FPGS: variants seen among roughly 807,000 people sequenced by gnomAD.
The protein encoded by FPGS is folylpolyglutamate synthase, mitochondrial.
In FPGS, 53 loss-of-function variants were observed where a neutral mutation model predicts 66.5. That is an observed-to-expected ratio of 0.80 (90% CI 0.64 to 1.00). The LOEUF (loss-of-function observed/expected upper bound fraction) is 1.00. FPGS is among the 50% of genes least tolerant of loss of function. FPGS has a pLI of 0.00. For synonymous variants in FPGS, 348 were observed against 350.9 expected, an observed-to-expected ratio of 0.99 and a Z score of 0.09; for missense variants, 702 against 807.7, an observed-to-expected ratio of 0.87 and a Z score of 1.59.
rs912069253 is a variant in FPGS at position 127,804,359 on chromosome 9, C to A, written c.213C>A (p.Asp71Glu). ...AGCAGGTGAAGCGCCAGCGGGGTGA[C>A]CCTCAGACACAGTTGGAAGCCATGG... The part of the protein sequence containing the change: ...YLEQVKRQRG[D>E]PQTQLEAMEL... The change falls in exon 2 of 15, where the codon GAC becomes GAA. Residue 71 changes from aspartate (D) to glutamate (E), a missense_variant. By Grantham distance (45) the Asp-to-Glu change is conservative. Transcript: ENST00000373247. 7 of 1,614,066 alleles carry A rather than the reference C, an allele frequency of 4.3e-6. No homozygotes were observed. The highest frequency in any genetic ancestry group is 5.9e-6 in the Non-Finnish European group (7 of 1,180,034).
At position 127,813,283 on chromosome 9, in the gene FPGS, G is replaced by C. The variant is rs774774318; in HGVS notation, c.1443G>C (p.Gln481His). The C allele has an allele frequency of 3.1e-6, 5 of 1,613,094 alleles. No individual in the cohort carries two copies. In the East Asian group the frequency reaches 8.9e-5, roughly 29 times the overall value. Residue 481 changes from glutamine (Q) to histidine (H), a missense_variant, in exon 15 of 15, where the codon CAG becomes CAC. By Grantham distance (24) the Gln-to-His change is conservative. Around this residue, in one of 3 missense-constraint regions of FPGS, gnomAD observed 351 missense variants for 363.7 expected, o/e 0.97. Transcript: ENST00000373247. ...QQHWNHLDEE[Q>H]ASPDLWSAPS... ...ACTGGAACCACCTGGACGAAGAGCA[G>C]GCCAGCCCGGACCTCTGGAGTGCCC...
intron 14 of FPGS, among the ~76,000 whole-genome samples, chr9:127,812,757 C>T (rs184286869): frequency 6.6e-6 from 1 of 152,218 alleles, no homozygotes; most frequent in Admixed American, 6.5e-5. Flanking sequence ...GAACTCTTGA[C>T]CTCAGGTGAT....
At chr9:127,803,447 G>A in intron 1 of FPGS, 2 of 999,290 alleles carry the variant, frequency 2.0e-6, no homozygotes, top group Non-Finnish European at 2.4e-6. Context: ...AGATCCAGGA[G>A]TATTGATCTG....
Position 127,802,955 on chromosome 9 carries a change from G to A in FPGS, c.31G>A (p.Ala11Thr), listed in dbSNP as rs1270894238. The A allele has an allele frequency of 2.8e-6, 4 of 1,434,678 alleles. No individual in the cohort carries two copies. The highest frequency in any genetic ancestry group is 2.9e-5 in the Admixed American group (1 of 34,946). The allele number at this position is 1,434,678 out of a possible 1,614,324, so 88.9% of individuals were successfully genotyped here. A position where few individuals can be genotyped will look rare whatever the true frequency, so the allele number is the denominator to read the frequency against. The change falls in exon 1 of 15, where the codon GCT (alanine) becomes ACT (threonine). Residue 11 changes from alanine to threonine, a missense_variant. Transcript: ENST00000373247. MSRARSHLRA[A>T]LFLAAASARG... ...GCGGGCGCGGAGCCACCTGCGCGCC[G>A]CTCTATTCCTGGCAGCGGCGTCTGC...
intron 4 of FPGS, 121 bp from the exon 5 acceptor site, chr9:127,806,852 G>C (rs577589419): frequency 2.3e-5 from 17 of 731,706 alleles, no homozygotes; most frequent in Non-Finnish European, 4.1e-5. Context: ...GGGGCACCAG[G>C]AACAAACCGA....
At chr9:127,812,960 T>G (rs889270594) in intron 14 of FPGS, among the ~76,000 whole-genome samples, 2 of 152,290 alleles carry the variant, frequency 1.3e-5, no homozygotes, top group Non-Finnish European at 2.9e-5. Context: ...GGGCAAAAGC[T>G]TTGGAGTCAG....
Position 127,813,877 on chromosome 9 carries a change from C to T in FPGS, c.*273C>T. ...GTTCAGCCTGTCTCCCCCAACACCC[C>T]GCCTGCCTCCTGGCTCAGGCCCAGC... On this transcript the variant is annotated 3_prime_UTR_variant, in exon 15 of 15. Transcript: ENST00000373247. 2.5e-6 allele frequency: 3 copies of T among 1,206,458 alleles called. No individual in the cohort carries two copies. Among genetic ancestry groups the T allele is most frequent in the South Asian group, 3.8e-5 (1 of 26,138 alleles). 74.7% of individuals were successfully genotyped at this position (1,206,458 alleles called of 1,614,324 possible). A position where few individuals can be genotyped will look rare whatever the true frequency, so the allele number is the denominator to read the frequency against.
Position 127,813,831 on chromosome 9 carries a change from C to T in FPGS, c.*227C>T, listed in dbSNP as rs1432099409. Reference sequence around the variant, plus strand: ...TAGCAGAGGGGCTCCCCGGGTCTCTCACTGTTGCAGTGGCCTGGCCGTTCA... The same window carrying T: ...TAGCAGAGGGGCTCCCCGGGTCTCTTACTGTTGCAGTGGCCTGGCCGTTCA... On this transcript the variant is annotated 3_prime_UTR_variant, in exon 15 of 15. Transcript: ENST00000373247. The T allele has an allele frequency of 1.6e-6, 2 of 1,259,982 alleles. No homozygotes were observed. Among genetic ancestry groups the T allele is most frequent in the African/African-American group, 3.1e-5 (2 of 64,636 alleles). 78.1% of individuals were successfully genotyped at this position (1,259,982 alleles called of 1,614,324 possible).
Position 127,809,815 on chromosome 9 carries a change from G to A in FPGS, c.1192G>A (p.Gly398Ser). The A allele has an allele frequency of 2.0e-6, 3 of 1,463,452 alleles. No individual in the cohort carries two copies. The highest frequency in any genetic ancestry group is 1.5e-5 in the African/African-American group (1 of 68,422). The allele number at this position is 1,463,452 out of a possible 1,614,324, so 90.7% of individuals were successfully genotyped here. The stretch of plus-strand genomic sequence containing the variant: ...GCGCTGGTTCCGCCAGGCGCTGCAG[G>A]GCCGCGAGAGGCCGAGCGGGTGAGG... ...CVRWFRQALQ[G>S]RERPSGGPEV... Residue 398 changes from glycine to serine, a missense_variant, in exon 12 of 15, where the codon GGC becomes AGC. Transcript: ENST00000373247.
In FPGS at chr9:127,806,977, C is replaced by T. The variant is rs138512683; in HGVS notation, c.391C>T (p.Pro131Ser). The part of the protein sequence containing the change: ...YGLKTGFFSS[P>S]HLVQVRERIR... ...TGACCCCAGCTGTCCCGGCAGCTCT[C>T]CCCACCTGGTGCAGGTTCGGGAGCG... The change falls in exon 5 of 15, where the codon CCC (proline) becomes TCC (serine). Residue 131 changes from proline to serine, a missense_variant. Coordinates refer to ENST00000373247, the MANE Select transcript of FPGS (RefSeq NM_004957.6). 62 of 1,613,450 alleles carry T rather than the reference C, an allele frequency of 3.8e-5. No individual in the cohort carries two copies. The highest frequency in any genetic ancestry group is 4.7e-5 in the Non-Finnish European group (56 of 1,179,668).
At chr9:127,803,727 C>T (rs1324730548) in intron 1 of FPGS, among the ~76,000 whole-genome samples, 1 of 152,080 alleles carries the variant, frequency 6.6e-6, no homozygotes, top group Non-Finnish European at 1.5e-5. Context: ...AAATAGCACC[C>T]CCACTCCCAC....
chr9:127,809,903 G>A (rs1459784702), intron 12 of FPGS, 69 bp downstream of exon 12: 19 of 1,010,718 alleles, frequency 1.9e-5, no homozygotes, highest in African/African-American at 1.2e-4. Context: ...GGGGAAGGGC[G>A]GGGCGGGGTC....
intron 13 of FPGS, among the ~76,000 whole-genome samples, chr9:127,810,648 C>A (rs1313127577): frequency 6.6e-6 from 1 of 152,112 alleles, no homozygotes; most frequent in Non-Finnish European, 1.5e-5. Context: ...CTTTTTCCAG[C>A]CTGGATTTGG....
intron 1 of FPGS, 122 bp downstream of exon 1, chr9:127,803,184 CG>C (rs1200647985): frequency 3.2e-6 from 3 of 944,614 alleles, no homozygotes; most frequent in Middle Eastern, 5.2e-4. Context: ...CTGGGGGACT[CG>C]GGGGGCGGAA....
Position 127,804,235 on chromosome 9 carries a change from G to A in FPGS, c.139-50G>A, listed in dbSNP as rs1364631029. On this transcript the variant is annotated intron_variant, in intron 1 of 14. Transcript: ENST00000373247. ...TGGTCTGCTGGCTGTCTCTGTGCCT[G>A]TGGACCCTGAGTGAGCCTTAACCTA... 5 of 1,595,280 alleles carry A rather than the reference G, an allele frequency of 3.1e-6. No individual in the cohort carries two copies. In the South Asian group the frequency reaches 4.6e-5, roughly 15 times the overall value.
Position 127,810,987 on chromosome 9 carries a change from G to A in FPGS, c.1330G>A (p.Glu444Lys). 6.3e-7 allele frequency: 1 copy of A among 1,592,116 alleles called. No homozygotes were observed. Among genetic ancestry groups the A allele is most frequent in the South Asian group, 1.1e-5 (1 of 87,314 alleles). ...DYAVFCPNLT[E>K]VSSTGNADQQ... ...TGCCGTCTTCTGCCCTAACCTGACA[G>A]AGGTGTCATCCACAGGCAACGCAGG... The change falls in exon 14 of 15, where the codon GAG becomes AAG. Residue 444 changes from glutamate to lysine, a missense_variant. Around this residue, in one of 3 missense-constraint regions of FPGS, gnomAD observed 351 missense variants for 363.7 expected, o/e 0.97. Transcript: ENST00000373247.
intron 1 of FPGS, chr9:127,803,268 A>G: frequency 8.0e-7 from 1 of 1,243,174 alleles, no homozygotes; most frequent in African/African-American, 1.6e-5. Context: ...GAATTCGGAG[A>G]CTATAGCGTC....
chr9:127,809,829 G>T lies in FPGS; in HGVS notation c.1206G>T (p.Pro402=). 6.9e-7 allele frequency: 1 copy of T among 1,440,664 alleles called. No individual in the cohort carries two copies. The highest frequency in any genetic ancestry group is 1.4e-5 in the South Asian group (1 of 70,022). 89.2% of individuals were successfully genotyped at this position (1,440,664 alleles called of 1,614,324 possible). A position where few individuals can be genotyped will look rare whatever the true frequency, so the allele number is the denominator to read the frequency against. Residue 402 remains proline, a synonymous_variant, in exon 12 of 15, where the codon CCG becomes CCT. Transcript: ENST00000373247. ...AGGCGCTGCAGGGCCGCGAGAGGCC[G>T]AGCGGGTGAGGGGCAGGGCTGGGGG... ...FRQALQGRER[P]SGGPEVRVLL... is the part of the protein sequence containing the mutation.
In FPGS at chr9:127,810,926, CTT is replaced by C; in HGVS notation, c.1288-17_1288-16del. 1 of 1,496,358 alleles carries C rather than the reference CTT, an allele frequency of 6.7e-7. No individual in the cohort carries two copies. The highest frequency in any genetic ancestry group is 9.2e-7 in the Non-Finnish European group (1 of 1,089,212). The allele number at this position is 1,496,358 out of a possible 1,614,324, so 92.7% of individuals were successfully genotyped here. On this transcript the variant is annotated splice_polypyrimidine_tract_variant and intron_variant, in intron 13 of 14. Transcript: ENST00000373247. ...TCCTTTCGGGGGTCTGACACCAAGTCTTTCCCTTGGCCTTCTAGCCCTGCCAG... is the reference window on the plus strand; with the variant it reads ...TCCTTTCGGGGGTCTGACACCAAGTCTCCCTTGGCCTTCTAGCCCTGCCAG...
Sources: gnomAD v4.1 joint callset for allele counts (sites outside exome capture counted in the v4.1 genomes callset) on GRCh38, gnomAD v4.1.1 for gene constraint, gnomAD v4.1.1 regional missense constraint, MANE v1.5 for transcripts, NCBI Gene and HGNC (gene_info 2026-07-23, HGNC 2026-07-21) for gene names.